The following SLC9A9 variants were observed in gnomAD, a reference collection of about 807,000 sequenced individuals.
SLC9A9 encodes sodium/hydrogen exchanger 9.
Under a neutral mutation model 77.8 loss-of-function variants are expected in SLC9A9, and 62 were observed. The ratio of observed to expected loss-of-function variants is 0.80; its 90% CI spans 0.65 to 0.98. The LOEUF (loss-of-function observed/expected upper bound fraction) is 0.98. Ranked by LOEUF, SLC9A9 falls within the 50% of genes least tolerant of loss-of-function variation. SLC9A9 has a pLI of 0.00. For missense variants in SLC9A9, 775 were observed against 774.9 expected, an observed-to-expected ratio of 1.00 and a Z score of 0.00; for synonymous variants, 320 against 283.5, an observed-to-expected ratio of 1.13 and a Z score of -1.29.
intron 12 of SLC9A9, among the ~76,000 whole-genome samples, chr3:143,401,217 G>C (rs900898374): frequency 6.6e-6 from 1 of 152,068 alleles, no homozygotes; most frequent in Non-Finnish European, 1.5e-5. Flanking sequence ...AGGTCACCAG[G>C]CTTGTCTGTG....
At chr3:143,316,232 G>A (rs896568515) in intron 14 of SLC9A9, among the ~76,000 whole-genome samples, 4 of 152,094 alleles carry the variant, frequency 2.6e-5, no homozygotes, top group Non-Finnish European at 5.9e-5. Context: ...GGGGGTTGCT[G>A]GATTTCTTTC....
At chr3:143,834,865 C>A (rs1258732617) in intron 1 of SLC9A9, among the ~76,000 whole-genome samples, 1 of 152,130 alleles carries the variant, frequency 6.6e-6, no homozygotes, top group Non-Finnish European at 1.5e-5. Flanking sequence ...TGAAAATGTA[C>A]CTCTCAGATA....
chr3:143,629,143 C>A (rs1040260582), intron 6 of SLC9A9, among the ~76,000 whole-genome samples: 1 of 152,168 alleles, frequency 6.6e-6, no homozygotes, highest in African/African-American at 2.4e-5. Flanking sequence ...TGACTCTAAT[C>A]AGTAACCACA....
intron 1 of SLC9A9, among the ~76,000 whole-genome samples, chr3:143,845,261 C>T (rs2009807842): frequency 1.3e-5 from 2 of 152,156 alleles, no homozygotes; most frequent in Non-Finnish European, 2.9e-5. Flanking sequence ...ATCTTTAAGG[C>T]TCCTTCCCCA....
At chr3:143,801,362 A>G (rs1576736721) in intron 2 of SLC9A9, among the ~76,000 whole-genome samples, 1 of 152,092 alleles carries the variant, frequency 6.6e-6, no homozygotes, top group Non-Finnish European at 1.5e-5. Flanking sequence ...ATCACACACT[A>G]TGCTCAACTC....
chr3:143,840,916 G>A (rs927474360), intron 1 of SLC9A9, among the ~76,000 whole-genome samples: 4 of 152,174 alleles, frequency 2.6e-5, no homozygotes, highest in Admixed American at 2.6e-4. Flanking sequence ...TGCCTATTTA[G>A]CATGGTTGTT....
chr3:143,350,922 A>G (rs1212948494), intron 14 of SLC9A9, among the ~76,000 whole-genome samples: 1 of 152,140 alleles, frequency 6.6e-6, no homozygotes. Context: ...TTCAGCTCGA[A>G]TCTACCAACA....
intron 11 of SLC9A9, among the ~76,000 whole-genome samples, chr3:143,474,464 T>G (rs939406921): frequency 5.3e-5 from 8 of 151,962 alleles, no homozygotes; most frequent in Admixed American, 2.0e-4. Context: ...GAGAAGTGAA[T>G]GCAGATCAGA....
intron 5 of SLC9A9, among the ~76,000 whole-genome samples, chr3:143,656,678 C>T (rs185083564): frequency 6.6e-6 from 1 of 152,198 alleles, no homozygotes; most frequent in South Asian, 2.1e-4. Context: ...TACAATAGTT[C>T]CTACCCCTGT....
intron 14 of SLC9A9, among the ~76,000 whole-genome samples, chr3:143,362,093 G>T (rs1010003895): frequency 1.1e-4 from 17 of 152,084 alleles, no homozygotes; most frequent in African/African-American, 3.6e-4. Flanking sequence ...GCAAAAACCA[G>T]CAATAACTTT....
At chr3:143,477,697 A>G (rs920705017) in intron 11 of SLC9A9, among the ~76,000 whole-genome samples, 1 of 152,152 alleles carries the variant, frequency 6.6e-6, no homozygotes, top group Non-Finnish European at 1.5e-5. Flanking sequence ...TGTGTCACAG[A>G]AGCTTATATT....
At chr3:143,550,059 A>G (rs2036853417) in intron 9 of SLC9A9, among the ~76,000 whole-genome samples, 1 of 152,116 alleles carries the variant, frequency 6.6e-6, no homozygotes, top group Non-Finnish European at 1.5e-5. Flanking sequence ...AGGCATTTGC[A>G]GTGATAGGCA....
chr3:143,410,683 C>T (rs1422058509), intron 12 of SLC9A9, among the ~76,000 whole-genome samples: 2 of 152,162 alleles, frequency 1.3e-5, no homozygotes, highest in East Asian at 1.9e-4. Context: ...TACTATTCTT[C>T]TTCTAATTCC....
At chr3:143,379,259 A>C (rs569139583) in intron 13 of SLC9A9, among the ~76,000 whole-genome samples, 141 of 152,330 alleles carry the variant, frequency 9.3e-4, no homozygotes, top group Non-Finnish European at 1.5e-3. Context: ...TATGTTACAT[A>C]ATCCAACAGA....
Position 143,380,293 on chromosome 3 carries a change from A to G in SLC9A9, c.1524+1767T>C, listed in dbSNP as rs142439412. On this transcript the variant is annotated intron_variant, in intron 13 of 15. Coordinates refer to ENST00000316549, the MANE Select transcript of SLC9A9 (RefSeq NM_173653.4). ...AATGAGATAAAATAAAATACATTTA[A>G]ATTGGAAAGGATTTAGGCTAGTAGG... Among the ~76,000 whole-genome samples, 1,058 of 152,354 alleles carry G rather than the reference A, an allele frequency of 6.9e-3. 9 individuals carry two copies. Among genetic ancestry groups the G allele is most frequent in the African/African-American group, 0.024 (992 of 41,588 alleles).
At chr3:143,311,644 G>A (rs761956805) in intron 14 of SLC9A9, among the ~76,000 whole-genome samples, 3 of 152,168 alleles carry the variant, frequency 2.0e-5, no homozygotes, top group Non-Finnish European at 4.4e-5. Flanking sequence ...GATATGTCAG[G>A]TCTCATTACA....
intron 14 of SLC9A9, among the ~76,000 whole-genome samples, chr3:143,313,989 G>A (rs1307823768): frequency 1.3e-5 from 2 of 152,216 alleles, no homozygotes; most frequent in African/African-American, 2.4e-5. Flanking sequence ...GCGGATGTGA[G>A]GGCATGGGCG....
chr3:143,658,178 A>C (rs1042032214), intron 5 of SLC9A9, among the ~76,000 whole-genome samples: 1 of 152,204 alleles, frequency 6.6e-6, no homozygotes, highest in Admixed American at 6.5e-5. Flanking sequence ...TAATATGTAA[A>C]TATTGATAGA....
chr3:143,769,664 C>T (rs965326896), intron 4 of SLC9A9, among the ~76,000 whole-genome samples: 18 of 152,106 alleles, frequency 1.2e-4, no homozygotes, highest in Non-Finnish European at 2.9e-5. Flanking sequence ...TACAAAAATA[C>T]AAGAATATAG....
Sources: allele counts gnomAD v4.1 joint callset (sites outside exome capture counted in the v4.1 genomes callset), GRCh38; gene constraint gnomAD v4.1.1; transcripts MANE v1.5; gene names NCBI Gene and HGNC (gene_info 2026-07-23, HGNC 2026-07-21).